The following FOXO1 variants were observed in gnomAD, a reference collection of about 807,000 sequenced individuals.
FOXO1 encodes the protein forkhead box O1.
In FOXO1, 6 loss-of-function variants were observed where a neutral mutation model predicts 44.1. The observed-to-expected ratio is 0.14, with a 90% CI of 0.07 to 0.27. The LOEUF (loss-of-function observed/expected upper bound fraction) is 0.27, where lower values mean the gene tolerates loss of function less well. Among genes scored for constraint, FOXO1 ranks in the 10% least tolerant of loss-of-function variants. FOXO1 has a pLI of 1.00. For missense variants in FOXO1, 737 were observed against 888.8 expected (o/e 0.83, Z 2.17); for synonymous variants, 380 against 362.7 (o/e 1.05, Z -0.54).
intron 1 of FOXO1, among the ~76,000 whole-genome samples, chr13:40,570,917 G>A (rs1242336339): frequency 6.6e-6 from 1 of 152,190 alleles, no homozygotes; most frequent in Non-Finnish European, 1.5e-5. Flanking sequence ...ACCAGCTCCA[G>A]ATCACAAGGC....
chr13:40,653,492 G>A (rs569934870), intron 1 of FOXO1, among the ~76,000 whole-genome samples: 138 of 152,260 alleles, frequency 9.1e-4, no homozygotes, highest in African/African-American at 3.0e-3. Flanking sequence ...GGAGAGGGCC[G>A]AAACACTGAG....
chr13:40,637,847 T>G (rs1043996472), intron 1 of FOXO1, among the ~76,000 whole-genome samples: 3 of 152,214 alleles, frequency 2.0e-5, no homozygotes, highest in Non-Finnish European at 4.4e-5. Flanking sequence ...CTATACTGAC[T>G]TCCTCAGCAA....
At chr13:40,663,163 A>G (rs1260237866) in intron 1 of FOXO1, among the ~76,000 whole-genome samples, 1 of 151,078 alleles carries the variant, frequency 6.6e-6, no homozygotes, top group Non-Finnish European at 1.5e-5. Context: ...AAGGGCCTCC[A>G]ATTCCAGACA....
At chr13:40,566,947 G>GA (rs1456718159) in intron 1 of FOXO1, among the ~76,000 whole-genome samples, 5 of 152,028 alleles carry the variant, frequency 3.3e-5, no homozygotes, top group Non-Finnish European at 5.9e-5. Context: ...AGACTGGGTT[G>GA]AAAAAAGAGA....
chr13:40,620,131 T>G (rs1876559829), intron 1 of FOXO1: 1 of 1,337,188 alleles, frequency 7.5e-7, no homozygotes, highest in African/African-American at 1.4e-5. Context: ...ATATACCCCA[T>G]TCTCTAATTC....
chr13:40,633,546 A>G (rs1186638517), intron 1 of FOXO1, among the ~76,000 whole-genome samples: 1 of 152,256 alleles, frequency 6.6e-6, no homozygotes, highest in Non-Finnish European at 1.5e-5. Context: ...AAATGATACC[A>G]TTTATACAAA....
rs186551547 is a variant in FOXO1 at position 40,597,431 on chromosome 13, T to A, written c.631-36571A>T. Among the ~76,000 whole-genome samples, 3 of 152,302 alleles carry A rather than the reference T, an allele frequency of 2.0e-5. No homozygotes were observed. The East Asian group carries it at 5.8e-4, about 29-fold the overall frequency. On this transcript the variant is annotated intron_variant, in intron 1 of 2. Coordinates refer to ENST00000379561, the MANE Select transcript of FOXO1 (RefSeq NM_002015.4). Reference sequence around the variant, plus strand: ...ATCAGAATCACCTATGTAATTCAACTACACACATTTCTGACAGAGCCCAAG... The same window carrying A: ...ATCAGAATCACCTATGTAATTCAACAACACACATTTCTGACAGAGCCCAAG...
intron 1 of FOXO1, among the ~76,000 whole-genome samples, chr13:40,658,875 G>C (rs1416927561): frequency 6.6e-6 from 1 of 152,122 alleles, no homozygotes; most frequent in African/African-American, 2.4e-5. Flanking sequence ...AGCCGGGCGT[G>C]GTGGTGGGCG....
chr13:40,634,719 G>C (rs575382879), intron 1 of FOXO1, among the ~76,000 whole-genome samples: 1 of 150,840 alleles, frequency 6.6e-6, no homozygotes, highest in Non-Finnish European at 1.5e-5. Flanking sequence ...TTGCTCTGTC[G>C]CCCAGGCTGG....
intron 1 of FOXO1, among the ~76,000 whole-genome samples, chr13:40,645,267 T>A (rs1458530742): frequency 6.6e-6 from 1 of 152,226 alleles, no homozygotes; most frequent in African/African-American, 2.4e-5. Flanking sequence ...CCTTCCCTGC[T>A]CATTTTAAAG....
At chr13:40,636,551 A>C (rs1877164454) in intron 1 of FOXO1, among the ~76,000 whole-genome samples, 1 of 114,152 alleles carries the variant, frequency 8.8e-6, no homozygotes, top group East Asian at 3.0e-4. Context: ...ACAGAGTTTC[A>C]CTCTTTGTTG....
At chr13:40,566,054 T>G (rs111240468) in intron 1 of FOXO1, among the ~76,000 whole-genome samples, 204 of 152,324 alleles carry the variant, frequency 1.3e-3, no homozygotes, top group African/African-American at 4.7e-3. Flanking sequence ...TATTTAAGTC[T>G]TCTCAAGGTG....
chr13:40,587,780 G>A (rs1426270150), intron 1 of FOXO1, among the ~76,000 whole-genome samples: 1 of 152,328 alleles, frequency 6.6e-6, no homozygotes, highest in East Asian at 1.9e-4. Context: ...TTCACTTAAT[G>A]AGACATTAAT....
chr13:40,619,763 G>A (rs1876546503), intron 1 of FOXO1: 2 of 839,382 alleles, frequency 2.4e-6, no homozygotes, highest in South Asian at 1.3e-5. Context: ...AATGGAACTG[G>A]GGGATCAGCT....
At chr13:40,612,634 T>G (rs1214117972) in intron 1 of FOXO1, among the ~76,000 whole-genome samples, 2 of 152,238 alleles carry the variant, frequency 1.3e-5, no homozygotes, top group Non-Finnish European at 2.9e-5. Flanking sequence ...TGTACAGTAG[T>G]CCTTCCCTGA....
chr13:40,632,545 C>CTT (rs1566080575), intron 1 of FOXO1, among the ~76,000 whole-genome samples: 3 of 149,704 alleles, frequency 2.0e-5, no homozygotes, highest in African/African-American at 7.4e-5. Flanking sequence ...GGCTGAGGCA[C>CTT]GAATATCTCT....
At chr13:40,633,064 A>G (rs1451181264) in intron 1 of FOXO1, among the ~76,000 whole-genome samples, 3 of 152,252 alleles carry the variant, frequency 2.0e-5, no homozygotes, top group Admixed American at 2.0e-4. Context: ...CAGTGATACC[A>G]CTTCACACCC....
At chr13:40,586,957 T>TA (rs1257093336) in intron 1 of FOXO1, among the ~76,000 whole-genome samples, 1 of 152,218 alleles carries the variant, frequency 6.6e-6, no homozygotes, top group Non-Finnish European at 1.5e-5. Flanking sequence ...TACCACCACT[T>TA]AAGATATTTT....
intron 1 of FOXO1, among the ~76,000 whole-genome samples, chr13:40,562,080 T>A (rs1015804891): frequency 1.7e-4 from 26 of 151,324 alleles, no homozygotes; most frequent in African/African-American, 6.3e-4. Flanking sequence ...GAAAACAGAG[T>A]CATTGCTTTT....
Sources: gnomAD v4.1 joint callset for allele counts (sites outside exome capture counted in the v4.1 genomes callset) on GRCh38, gnomAD v4.1.1 for gene constraint, MANE v1.5 for transcripts, NCBI Gene and HGNC (gene_info 2026-07-23, HGNC 2026-07-21) for gene names.